Variants in MEX3D observed in about 807,000 individuals in gnomAD.
MEX3D encodes RNA-binding protein MEX3D.
Under a neutral mutation model 6.3 loss-of-function variants are expected in MEX3D, and 4 were observed. The observed-to-expected ratio is 0.64, with a 90% CI of 0.31 to 1.46. The LOEUF (loss-of-function observed/expected upper bound fraction) is 1.46, where lower values mean the gene tolerates loss of function less well. Ranked by LOEUF, MEX3D falls within the 40% of genes most tolerant of loss-of-function variation. MEX3D has a pLI of 0.07. For missense variants in MEX3D, 1,038 were observed against 994.4 expected (o/e 1.04, Z -0.59); for synonymous variants, 626 against 494.1 (o/e 1.27, Z -3.54).
intron 1 of MEX3D, among the ~76,000 whole-genome samples, chr19:1,557,840 G>T: frequency 9.5e-6 from 1 of 105,236 alleles, no homozygotes; most frequent in Non-Finnish European, 1.7e-5. Context: ...CAGCCTGGGT[G>T]ACAGAGCGAG....
chr19:1,566,529 A>C (rs1599329493), intron 1 of MEX3D, among the ~76,000 whole-genome samples: 1 of 151,874 alleles, frequency 6.6e-6, no homozygotes, highest in South Asian at 2.1e-4. Flanking sequence ...GCCCCACCCC[A>C]AGTTCTAGAA....
rs1323921186 is a variant in MEX3D, at chr19:1,567,674, G to T, written c.385C>A (p.Pro129Thr). ...VAPGSLPLLD[P>T]NASPPPPPPP... Reference sequence around the variant, plus strand: ...GGCGGCGGCGGGGGACTCGCGTTGGGGTCCAGCAGCGGCAGCGACCCGGGG... The same window carrying T: ...GGCGGCGGCGGGGGACTCGCGTTGGTGTCCAGCAGCGGCAGCGACCCGGGG... The change falls in exon 1 of 2, where the codon CCC becomes ACC. Residue 129 changes from proline (P) to threonine (T), a missense_variant. Transcript: ENST00000402693. This position sits in a 1 kb window ranked among gnomAD's most constrained non-coding sequence, Gnocchi z 6.5. 3.3e-5 allele frequency: 38 copies of T among 1,168,816 alleles called. No homozygotes were observed. The highest frequency in any genetic ancestry group is 4.6e-5 in the Admixed American group (1 of 21,822). 72.4% of individuals were successfully genotyped at this position (1,168,816 alleles called of 1,614,324 possible).
chr19:1,560,961 C>T (rs570986184), intron 1 of MEX3D, among the ~76,000 whole-genome samples: 43 of 152,334 alleles, frequency 2.8e-4, no homozygotes, highest in African/African-American at 7.5e-4. Flanking sequence ...GCCTGAAGGG[C>T]GGGCTCTGGG....
chr19:1,566,328 C>G (rs1914838552), intron 1 of MEX3D, among the ~76,000 whole-genome samples: 1 of 152,214 alleles, frequency 6.6e-6, no homozygotes, highest in Non-Finnish European at 1.5e-5. Flanking sequence ...CTGTGGTGCC[C>G]CACCCACCTG....
intron 1 of MEX3D, among the ~76,000 whole-genome samples, chr19:1,562,713 AAACAAC>A (rs1025528604): frequency 1.3e-5 from 2 of 151,792 alleles, no homozygotes; most frequent in Admixed American, 6.6e-5. Flanking sequence ...CAACAAAACA[AAACAAC>A]AACAACAAGA....
Position 1,555,620 on chromosome 19 carries a change from C to G in MEX3D, c.1899G>C (p.Glu633Asp). ...DCAVRICGKS[E>D]PECPACRTPA... ...GCGTGCGGCAGGCGGGACACTCGGGCTCGCTCTTGCCGCAGATGCGGACGG... is the reference window on the plus strand; with the variant it reads ...GCGTGCGGCAGGCGGGACACTCGGGGTCGCTCTTGCCGCAGATGCGGACGG... The change falls in exon 2 of 2, where the codon GAG becomes GAC. Residue 633 changes from glutamate to aspartate, a missense_variant. Glu to Asp is a conservative substitution (Grantham distance 45). Transcript: ENST00000402693. 8 of 1,591,490 alleles carry G rather than the reference C, an allele frequency of 5.0e-6. No homozygotes were observed. Among genetic ancestry groups the G allele is most frequent in the Non-Finnish European group, 6.8e-6 (8 of 1,171,296 alleles).
In MEX3D at chr19:1,555,394, G is replaced by T; in HGVS notation, c.*169C>A. 3 of 1,601,042 alleles carry T rather than the reference G, an allele frequency of 1.9e-6. No individual in the cohort carries two copies. The highest frequency in any genetic ancestry group is 2.6e-6 in the Non-Finnish European group (3 of 1,173,686). On this transcript the variant is annotated 3_prime_UTR_variant, in exon 2 of 2. Coordinates refer to ENST00000402693, the MANE Select transcript of MEX3D (RefSeq NM_203304.4). ...GCGGGGTCTCCGTCTCCACGCCTGAGGCGGCAGTTAAAGCTCATCTGTAAA... is the reference window on the plus strand; with the variant it reads ...GCGGGGTCTCCGTCTCCACGCCTGATGCGGCAGTTAAAGCTCATCTGTAAA...
chr19:1,556,278 GAGGGGCCGCCGCGGCTGCCCGCGTAGA>G lies in MEX3D; in HGVS notation c.1214_1240del (p.Phe405_Pro413del). ...GCTGGCGGGGCCTGGGTCCGGCACG[GAGGGGCCGCCGCGGCTGCCCGCGTAGA>G]AGGCCTCGGGGGCGCTGGGGGCGCC... On this transcript the variant is annotated inframe_deletion, in exon 2 of 2. Coordinates refer to ENST00000402693, the MANE Select transcript of MEX3D (RefSeq NM_203304.4). The surrounding 1 kb of genome is among the most constrained non-coding windows in gnomAD (Gnocchi z 7.5). 1.6e-6 allele frequency: 2 copies of G among 1,284,908 alleles called. No homozygotes were observed. The highest frequency in any genetic ancestry group is 2.0e-6 in the Non-Finnish European group (2 of 1,019,096). The allele number at this position is 1,284,908 out of a possible 1,614,324, so 79.6% of individuals were successfully genotyped here.
At chr19:1,566,039 A>C (rs1002482951) in intron 1 of MEX3D, among the ~76,000 whole-genome samples, 7 of 152,284 alleles carry the variant, frequency 4.6e-5, no homozygotes, top group Admixed American at 1.3e-4. Flanking sequence ...GCCTGTCTCC[A>C]CAGGCTCCCA....
At chr19:1,566,733 C>T (rs1480939656) in intron 1 of MEX3D, among the ~76,000 whole-genome samples, 1 of 152,022 alleles carries the variant, frequency 6.6e-6, no homozygotes, top group Non-Finnish European at 1.5e-5. Context: ...CCTGATGTCA[C>T]CCTGCAAATC....
intron 1 of MEX3D, among the ~76,000 whole-genome samples, chr19:1,561,139 G>A (rs2145573595): frequency 6.6e-6 from 1 of 152,194 alleles, no homozygotes; most frequent in Admixed American, 6.5e-5. Flanking sequence ...CCCTACCAGG[G>A]CCCCACGCAG....
rs1412576232 is a variant in MEX3D, at chr19:1,567,716, G to A, written c.343C>T (p.Leu115=). The A allele has an allele frequency of 2.4e-5, 25 of 1,024,490 alleles. No homozygotes were observed. The highest frequency in any genetic ancestry group is 2.9e-5 in the Non-Finnish European group (25 of 847,836). The allele number at this position is 1,024,490 out of a possible 1,614,324, so 63.5% of individuals were successfully genotyped here. ...DGPEAGAPPT[L]APAVAPGSLP... The stretch of plus-strand genomic sequence containing the variant: ...GACCCGGGGGCCACGGCGGGGGCCA[G>A]GGTCGGGGGCGCGCCGGCCTCAGGT... Residue 115 remains leucine, a synonymous_variant, in exon 1 of 2, where the codon CTG becomes TTG. Transcript: ENST00000402693. The surrounding 1 kb of genome is among the most constrained non-coding windows in gnomAD (Gnocchi z 6.5).
At chr19:1,560,520 C>A (rs558594469) in intron 1 of MEX3D, among the ~76,000 whole-genome samples, 1 of 152,204 alleles carries the variant, frequency 6.6e-6, no homozygotes, top group African/African-American at 2.4e-5. Flanking sequence ...GAGGCTGCCC[C>A]GACGTGGCCA....
At position 1,555,643 on chromosome 19, in the gene MEX3D, C is replaced by T. The variant is rs752385447; in HGVS notation, c.1876G>A (p.Val626Ile). The change falls in exon 2 of 2, where the codon GTC becomes ATC. Residue 626 changes from valine to isoleucine, a missense_variant. By Grantham distance (29) the Val-to-Ile change is conservative (BLOSUM62 3). This residue lies in a region of MEX3D where 581 missense variants were observed against 516.2 expected (regional missense o/e 1.13). Coordinates refer to ENST00000402693, the MANE Select transcript of MEX3D (RefSeq NM_203304.4). ...GGCTCGCTCTTGCCGCAGATGCGGA[C>T]GGCGCAGTCCATGCAGAAGAGGTTG... ...GHNLFCMDCA[V>I]RICGKSEPEC... 10 of 1,588,058 alleles carry T rather than the reference C, an allele frequency of 6.3e-6. No homozygotes were observed. The South Asian group carries it at 8.0e-5, about 13-fold the overall frequency.
chr19:1,555,441 CTGCCCCCT>C lies in MEX3D; in HGVS notation c.*114_*121del. ...TAAACACTGGCCGCCGCCCACCCCCCTGCCCCCTCGGCCTCCGCCCCTCGCCCCCTCCC... is the reference window on the plus strand; with the variant it reads ...TAAACACTGGCCGCCGCCCACCCCCCCGGCCTCCGCCCCTCGCCCCCTCCC... On this transcript the variant is annotated 3_prime_UTR_variant, in exon 2 of 2. Transcript: ENST00000402693. 1 of 1,401,790 alleles carries C rather than the reference CTGCCCCCT, an allele frequency of 7.1e-7. No homozygotes were observed. The highest frequency in any genetic ancestry group is 9.6e-7 in the Non-Finnish European group (1 of 1,041,944). 86.8% of individuals were successfully genotyped at this position (1,401,790 alleles called of 1,614,324 possible).
rs1914535050 is a variant in MEX3D at position 1,555,998 on chromosome 19, C to T, written c.1521G>A (p.Gly507=). 1 of 1,207,034 alleles carries T rather than the reference C, an allele frequency of 8.3e-7. No homozygotes were observed. The highest frequency in any genetic ancestry group is 1.6e-5 in the African/African-American group (1 of 61,074). The allele number at this position is 1,207,034 out of a possible 1,614,324, so 74.8% of individuals were successfully genotyped here. The change falls in exon 2 of 2, where the codon GGG becomes GGA. Residue 507 remains glycine (G), a synonymous_variant. Transcript: ENST00000402693. ...TGGGCGAGTGGCGGGGGGTCCCGGC[C>T]CCACTGCTGCGCCGGGCGCCGGCGG... ...PPAAGARRSS[G]AGTPRHSPTL...
chr19:1,558,743 G>A (rs1914643569), intron 1 of MEX3D, among the ~76,000 whole-genome samples: 1 of 152,220 alleles, frequency 6.6e-6, no homozygotes. Flanking sequence ...CGAGGTCTCG[G>A]CCCGACTGCA....
Position 1,555,256 on chromosome 19 carries a change from G to A in MEX3D, c.*307C>T, listed in dbSNP as rs1359360911. ...TTTTTAAAGATCACCCTGGAGGGGAGGGGTGTCTAAAAATAAGAAAACTAA... is the reference window on the plus strand; with the variant it reads ...TTTTTAAAGATCACCCTGGAGGGGAAGGGTGTCTAAAAATAAGAAAACTAA... On this transcript the variant is annotated 3_prime_UTR_variant, in exon 2 of 2. Transcript: ENST00000402693. 1.4e-6 allele frequency: 2 copies of A among 1,431,022 alleles called. No individual in the cohort carries two copies. Among genetic ancestry groups the A allele is most frequent in the African/African-American group, 2.9e-5 (2 of 69,828 alleles). 88.6% of individuals were successfully genotyped at this position (1,431,022 alleles called of 1,614,324 possible).
Position 1,555,157 on chromosome 19 carries a change from G to C in MEX3D, c.*406C>G, listed in dbSNP as rs992483912. The C allele has an allele frequency of 1.8e-6, 1 of 562,092 alleles. No individual in the cohort carries two copies. Among genetic ancestry groups the C allele is most frequent in the African/African-American group, 2.0e-5 (1 of 49,104 alleles). The allele number at this position is 562,092 out of a possible 1,614,324, so 34.8% of individuals were successfully genotyped here. On this transcript the variant is annotated 3_prime_UTR_variant, in exon 2 of 2. Coordinates refer to ENST00000402693, the MANE Select transcript of MEX3D (RefSeq NM_203304.4). ...GGCCTGAGACCGGCCGGCGAGAAAA[G>C]TCAAATCAGAAAACGGCTTCGGACG...
Sources: allele counts gnomAD v4.1 joint callset (sites outside exome capture counted in the v4.1 genomes callset), GRCh38; gene constraint gnomAD v4.1.1; regional missense constraint gnomAD v4.1.1; non-coding constraint Gnocchi (gnomAD v3.1); transcripts MANE v1.5; gene names NCBI Gene and HGNC (gene_info 2026-07-23, HGNC 2026-07-21).